ZDHHC11B: variants seen among roughly 807,000 people sequenced by gnomAD.
The protein encoded by ZDHHC11B is probable palmitoyltransferase ZDHHC11B.
Under a neutral mutation model 42.3 loss-of-function variants are expected in ZDHHC11B, and 17 were observed. That is an observed-to-expected ratio of 0.40 (90% confidence interval 0.27 to 0.60). ZDHHC11B has a LOEUF of 0.60. Ranked by LOEUF, ZDHHC11B falls within the 20% of genes least tolerant of loss-of-function variation. The pLI, the probability that ZDHHC11B is intolerant of heterozygous loss-of-function variation, is 0.41. For missense variants in ZDHHC11B, 262 were observed against 463.2 expected, an observed-to-expected ratio of 0.57 and a Z score of 3.99; for synonymous variants, 123 against 193.5, an observed-to-expected ratio of 0.64 and a Z score of 3.02.
At chr5:776,267 C>T (rs1438950317) in intron 1 of ZDHHC11B, among the ~76,000 whole-genome samples, 2 of 151,972 alleles carry the variant, frequency 1.3e-5, no homozygotes, top group South Asian at 2.1e-4. Context: ...GCCTGATGGA[C>T]CCTCCAATGT....
chr5:726,291 C>T (rs1742602473), intron 12 of ZDHHC11B, among the ~76,000 whole-genome samples: 1 of 151,422 alleles, frequency 6.6e-6, no homozygotes, highest in Non-Finnish European at 1.5e-5. Flanking sequence ...GTAATGTGCG[C>T]AGCAGGCAGA....
chr5:722,246 T>C (rs1742246095), intron 12 of ZDHHC11B, among the ~76,000 whole-genome samples: 1 of 152,002 alleles, frequency 6.6e-6, no homozygotes, highest in East Asian at 1.9e-4. Context: ...TAGAATGGTA[T>C]ATTAAATTAA....
At position 773,557 on chromosome 5, in the gene ZDHHC11B, C is replaced by T. The variant is rs557100017; in HGVS notation, c.-229-4627G>A. Among the ~76,000 whole-genome samples, 5 of 151,952 alleles carry T rather than the reference C, an allele frequency of 3.3e-5. No homozygotes were observed. The East Asian group carries it at 5.8e-4, about 18-fold the overall frequency. Reference sequence around the variant, plus strand: ...ACTCCCAGGCCTGTGCCCACCATCTCAGCTGTGCCCTGTACTCCCAGGCCT... The same window carrying T: ...ACTCCCAGGCCTGTGCCCACCATCTTAGCTGTGCCCTGTACTCCCAGGCCT... On this transcript the variant is annotated intron_variant, in intron 1 of 13. Coordinates refer to ENST00000508859, the MANE Select transcript of ZDHHC11B (RefSeq NM_001351303.2).
chr5:764,523 G>A (rs1561184212), intron 4 of ZDHHC11B, among the ~76,000 whole-genome samples: 1 of 151,942 alleles, frequency 6.6e-6, no homozygotes, highest in Non-Finnish European at 1.5e-5. Flanking sequence ...GCTGTGGAGG[G>A]TGCGCCAGGT....
chr5:763,393 A>T (rs1734875536), intron 4 of ZDHHC11B, among the ~76,000 whole-genome samples: 1 of 151,534 alleles, frequency 6.6e-6, no homozygotes, highest in East Asian at 1.9e-4. Context: ...AAAAAGAAGA[A>T]GAAGAAGAAA....
intron 11 of ZDHHC11B, chr5:732,799 G>T: frequency 3.7e-6 from 1 of 272,568 alleles, no homozygotes; most frequent in South Asian, 3.7e-5. Context: ...AGAGGCTCAC[G>T]CCTCTAATTC....
Position 731,154 on chromosome 5 carries a change from G to A in ZDHHC11B, c.1024-686C>T, listed in dbSNP as rs1288231650. Among the ~76,000 whole-genome samples the A allele has an allele frequency of 5.3e-5, 8 of 151,498 alleles. No homozygotes were observed. In the South Asian group the frequency reaches 8.4e-4, roughly 16 times the overall value. Reference sequence around the variant, plus strand: ...CATCTGAAGCTTTGCCAAACTGCTCGCCAATGTGGCATCATCTTTCATCCC... The same window carrying A: ...CATCTGAAGCTTTGCCAAACTGCTCACCAATGTGGCATCATCTTTCATCCC... On this transcript the variant is annotated intron_variant, in intron 11 of 13. Coordinates refer to ENST00000508859, the MANE Select transcript of ZDHHC11B (RefSeq NM_001351303.2).
At chr5:727,746 T>C (rs1364324378) in intron 12 of ZDHHC11B, among the ~76,000 whole-genome samples, 1 of 137,602 alleles carries the variant, frequency 7.3e-6, no homozygotes, top group African/African-American at 2.6e-5. Context: ...GTCTTCGAGA[T>C]AAAGTAACCT....
chr5:774,991 A>T lies in ZDHHC11B; in HGVS notation c.-229-6061T>A, dbSNP rs149311503. Among the ~76,000 whole-genome samples the T allele has an allele frequency of 8.4e-3, 1,275 of 151,558 alleles. 22 individuals carry two copies. Among genetic ancestry groups the T allele is most frequent in the African/African-American group, 0.03 (1,218 of 40,994 alleles). ...GGCAGAGGAGGCTGGTGGACAGGCC[A>T]TGCTCACATCATCAGCAGTGCCGGG... On this transcript the variant is annotated intron_variant, in intron 1 of 13. Transcript: ENST00000508859.
At chr5:738,855 C>G (rs369120) in intron 10 of ZDHHC11B, among the ~76,000 whole-genome samples, 2,162 of 145,622 alleles carry the variant, frequency 0.015, 41 homozygotes, top group Admixed American at 0.023. Context: ...AAAAACTTTT[C>G]TAGGCATTGA....
In ZDHHC11B at chr5:772,597, C is replaced by A. The variant is rs1378759854; in HGVS notation, c.-229-3667G>T. Among the ~76,000 whole-genome samples, 8 of 151,284 alleles carry A rather than the reference C, an allele frequency of 5.3e-5. No individual in the cohort carries two copies. The South Asian group carries it at 1.5e-3, about 28-fold the overall frequency. On this transcript the variant is annotated intron_variant, in intron 1 of 13. Coordinates refer to ENST00000508859, the MANE Select transcript of ZDHHC11B (RefSeq NM_001351303.2). ...AGACGAGGGTGACAGCCGTCAACAG[C>A]CGAGAAGAAGTAGTAGATGCAGGAA...
At chr5:757,583 G>A (rs11951733) in intron 4 of ZDHHC11B, among the ~76,000 whole-genome samples, 57,293 of 149,172 alleles carry the variant, frequency 0.38, 6,441 homozygotes, top group African/African-American at 0.47. Context: ...GTGCTGCAAT[G>A]CATGGGAAGC....
rs763396289 is a variant in ZDHHC11B at position 766,772 on chromosome 5, C to T, written c.148G>A (p.Val50Ile). The stretch of plus-strand genomic sequence containing the variant: ...CTGAAGGTGGCCAAGGAAAGGCCAA[C>T]GAAGACAGCCCAAGTCACCACCCGG... ...YFRVVTWAVF[V>I]GLSLATFRIF... Residue 50 changes from valine (V) to isoleucine (I), a missense_variant, in exon 4 of 14, where the codon GTT (valine) becomes ATT (isoleucine). Val to Ile is a conservative substitution (Grantham distance 29, BLOSUM62 3). Transcript: ENST00000508859. The T allele has an allele frequency of 2.5e-5, 41 of 1,612,392 alleles. No homozygotes were observed. The highest frequency in any genetic ancestry group is 1.6e-4 in the African/African-American group (12 of 74,756).
At chr5:733,219 G>C (rs1320672946) in intron 11 of ZDHHC11B, among the ~76,000 whole-genome samples, 2 of 148,442 alleles carry the variant, frequency 1.3e-5, no homozygotes, top group Non-Finnish European at 3.0e-5. Context: ...ATATACAACT[G>C]ACCACACACT....
In ZDHHC11B at chr5:766,671, T is replaced by G; in HGVS notation, c.222+27A>C. ...GGGTCCTCCAGGAACCCCTCCCGCT[T>G]AGACCATGCCACGATGAAAAGGATA... On this transcript the variant is annotated intron_variant, in intron 4 of 13. Transcript: ENST00000508859. 5 of 1,586,836 alleles carry G rather than the reference T, an allele frequency of 3.2e-6. 1 individual carries two copies. The highest frequency in any genetic ancestry group is 4.3e-6 in the Non-Finnish European group (5 of 1,163,872).
rs191390354 is a variant in ZDHHC11B at position 741,704 on chromosome 5, G to A, written c.901-76C>T. The A allele has an allele frequency of 2.3e-4, 361 of 1,550,562 alleles. 9 individuals carry two copies. In the African/African-American group the frequency reaches 2.6e-3, roughly 11 times the overall value. The stretch of plus-strand genomic sequence containing the variant: ...CAGCTGATTCTTACATAAAAGTCAC[G>A]TCTATTATTCCTGGGTTTTGAGGAA... On this transcript the variant is annotated intron_variant, in intron 9 of 13. Coordinates refer to ENST00000508859, the MANE Select transcript of ZDHHC11B (RefSeq NM_001351303.2).
intron 10 of ZDHHC11B, among the ~76,000 whole-genome samples, chr5:737,709 T>C (rs2127025444): frequency 6.7e-6 from 1 of 149,590 alleles, no homozygotes; most frequent in East Asian, 2.0e-4. Flanking sequence ...AAATCAGAGA[T>C]CATCTCAATA....
chr5:748,445 A>C lies in ZDHHC11B; in HGVS notation c.743T>G (p.Leu248Trp), dbSNP rs765702162. 3.7e-6 allele frequency: 5 copies of C among 1,361,430 alleles called. No individual in the cohort carries two copies. The highest frequency in any genetic ancestry group is 4.9e-6 in the Non-Finnish European group (5 of 1,023,824). The allele number at this position is 1,361,430 out of a possible 1,614,324, so 84.3% of individuals were successfully genotyped here. Residue 248 changes from leucine to tryptophan, a missense_variant, in exon 8 of 14, where the codon TTG (leucine) becomes TGG (tryptophan). By Grantham distance (61) the Leu-to-Trp change is moderately conservative. Transcript: ENST00000508859. ...MLVLLLDLLGLVQLGQLLIFH... is the reference protein window; with the variant it reads ...MLVLLLDLLGWVQLGQLLIFH... ...GATGAGCAGCTGGCCCAGCTGCACC[A>C]AGCCAAGAAGGTCCAGCAGGAGCAC...
chr5:748,944 G>A lies in ZDHHC11B; in HGVS notation c.629-385C>T, dbSNP rs141331753. On this transcript the variant is annotated intron_variant, in intron 7 of 13. Transcript: ENST00000508859. ...GCCCACCCCTTCCTCACTAAGTGCC[G>A]GGGTCACAGTGCCTACCCCTTCCTA... 1.8e-3 allele frequency among the ~76,000 whole-genome samples: 46 copies of A among 26,102 alleles called. 1 individual carries two copies. Among genetic ancestry groups the A allele is most frequent in the East Asian group, 7.0e-3 (2 of 284 alleles). 17.1% of individuals were successfully genotyped at this position (26,102 alleles called of 152,430 possible).
Sources: gnomAD v4.1 joint callset for allele counts (sites outside exome capture counted in the v4.1 genomes callset) on GRCh38, gnomAD v4.1.1 for gene constraint, MANE v1.5 for transcripts, NCBI Gene and HGNC (gene_info 2026-07-23, HGNC 2026-07-21) for gene names.